FER: variants seen among roughly 807,000 people sequenced by gnomAD.
FER encodes tyrosine-protein kinase Fer.
A neutral mutation model predicts 111.0 loss-of-function variants in FER; 63 were observed. That is an observed-to-expected ratio of 0.57 (90% CI 0.46 to 0.70). The LOEUF is 0.70. FER is among the 30% of genes least tolerant of loss of function. FER has a pLI of 0.00. For missense variants in FER, 914 were observed against 954.0 expected (o/e 0.96, Z 0.55); for synonymous variants, 327 against 313.9 (o/e 1.04, Z -0.44).
intron 17 of FER, among the ~76,000 whole-genome samples, chr5:109,169,242 A>C (rs1463172560): frequency 6.6e-6 from 1 of 152,182 alleles, no homozygotes; most frequent in Non-Finnish European, 1.5e-5. Context: ...TAATACCATA[A>C]AGTCTTATCA....
chr5:109,168,399 GTCTCCATCCCCCAATC>G (rs1213001857), intron 17 of FER, among the ~76,000 whole-genome samples: 3 of 152,192 alleles, frequency 2.0e-5, no homozygotes, highest in Admixed American at 2.0e-4. Flanking sequence ...TGGGACTTTT[GTCTCCATCCCCCAATC>G]TCTGGGGAGT....
rs547873513 is a variant in FER at position 108,992,481 on chromosome 5, C to T, written c.1656+33134C>T. 2.0e-4 allele frequency among the ~76,000 whole-genome samples: 30 copies of T among 148,914 alleles called. No homozygotes were observed. In the East Asian group the frequency reaches 3.9e-3, roughly 19 times the overall value. On this transcript the variant is annotated intron_variant, in intron 13 of 19. Transcript: ENST00000281092. ...GCAGAGGCGCCCCTCACCTCCCGGA[C>T]GGGGTGGCTGGCCGGGCGGGGGGCT...
intron 10 of FER, among the ~76,000 whole-genome samples, chr5:108,938,216 C>G (rs1290862136): frequency 6.6e-6 from 1 of 151,616 alleles, no homozygotes; most frequent in Non-Finnish European, 1.5e-5. Context: ...AGTGGTAATC[C>G]TAAGATGGGA....
intron 15 of FER, among the ~76,000 whole-genome samples, chr5:109,046,096 CTGA>C (rs1332139854): frequency 6.6e-6 from 1 of 151,424 alleles, no homozygotes; most frequent in Non-Finnish European, 1.5e-5. Context: ...TCATAGCCCT[CTGA>C]TGAAATTTTG....
chr5:109,082,043 A>T (rs1175434127), intron 16 of FER, among the ~76,000 whole-genome samples: 1 of 131,212 alleles, frequency 7.6e-6, no homozygotes, highest in African/African-American at 2.8e-5. Flanking sequence ...TAGTTTATGT[A>T]TGAAATTTGA....
intron 12 of FER, 54 bp from the exon 13 acceptor site, chr5:108,959,171 G>T: frequency 6.4e-7 from 1 of 1,560,376 alleles, no homozygotes; most frequent in Non-Finnish European, 8.7e-7. Flanking sequence ...AATGAATGTA[G>T]ATTTTCTAAA....
intron 16 of FER, among the ~76,000 whole-genome samples, chr5:109,096,760 G>A (rs1747584020): frequency 6.6e-6 from 1 of 151,786 alleles, no homozygotes; most frequent in Admixed American, 6.6e-5. Flanking sequence ...TTATTACTGA[G>A]GGTCAGGTTA....
intron 13 of FER, among the ~76,000 whole-genome samples, chr5:109,004,439 G>T (rs968764146): frequency 9.2e-5 from 14 of 151,868 alleles, no homozygotes; most frequent in African/African-American, 3.4e-4. Context: ...CCAAAACATT[G>T]AAAACAACAG....
At chr5:108,985,079 T>C (rs902509187) in intron 13 of FER, among the ~76,000 whole-genome samples, 1 of 152,052 alleles carries the variant, frequency 6.6e-6, no homozygotes, top group Non-Finnish European at 1.5e-5. Flanking sequence ...AACTAGTGCT[T>C]ATCATACAAA....
intron 16 of FER, among the ~76,000 whole-genome samples, chr5:109,079,475 T>C (rs1776739309): frequency 6.6e-6 from 1 of 152,194 alleles, no homozygotes; most frequent in Non-Finnish European, 1.5e-5. Flanking sequence ...AGTCTGACTG[T>C]CTTATGGTGC....
chr5:108,893,906 A>G (rs1243591495), intron 9 of FER, among the ~76,000 whole-genome samples: 1 of 151,968 alleles, frequency 6.6e-6, no homozygotes, highest in Non-Finnish European at 1.5e-5. Flanking sequence ...GGGCTGTATT[A>G]GTCTGTTTTC....
chr5:109,149,836 A>T (rs1163831253), intron 17 of FER, among the ~76,000 whole-genome samples: 25 of 152,152 alleles, frequency 1.6e-4, no homozygotes, highest in Non-Finnish European at 7.4e-5. Flanking sequence ...AAAAATATTT[A>T]CTTTAAACCA....
At chr5:109,059,360 T>TAAAAGAAAAAAAA (rs1774079078) in intron 16 of FER, among the ~76,000 whole-genome samples, 1 of 136,292 alleles carries the variant, frequency 7.3e-6, no homozygotes, top group African/African-American at 2.7e-5. Context: ...CTGCCTCTAC[T>TAAAAGAAAAAAAA]AAAAAAAAAA....
intron 17 of FER, among the ~76,000 whole-genome samples, chr5:109,148,250 G>T (rs1244658764): frequency 6.6e-6 from 1 of 152,072 alleles, no homozygotes; most frequent in Non-Finnish European, 1.5e-5. Context: ...TACCTGCACT[G>T]AAACTGACAG....
rs760733478 is a variant in FER at position 109,047,170 on chromosome 5, T to C, written c.1896T>C (p.Pro632=). 1.9e-6 allele frequency: 3 copies of C among 1,606,470 alleles called. No homozygotes were observed. Among genetic ancestry groups the C allele is most frequent in the South Asian group, 1.1e-5 (1 of 90,072 alleles). The change falls in exon 16 of 20, where the codon CCT becomes CCC. Residue 632 remains proline, a synonymous_variant. Transcript: ENST00000281092. Reference sequence around the variant, plus strand: ...TAGGAGTTTGCACACAAAGACAGCCTGTCTACATCATTATGGAACTGGTTT... The same window carrying C: ...TAGGAGTTTGCACACAAAGACAGCCCGTCTACATCATTATGGAACTGGTTT... ...KLIGVCTQRQ[P]VYIIMELVSG... is the part of the protein sequence containing the mutation.
At chr5:108,761,748 C>T (rs1291331857) in intron 1 of FER, among the ~76,000 whole-genome samples, 2 of 152,066 alleles carry the variant, frequency 1.3e-5, no homozygotes, top group African/African-American at 4.8e-5. Context: ...ATATACTTGT[C>T]TGATTTATGA....
chr5:109,034,523 C>G (rs963211287), intron 13 of FER, among the ~76,000 whole-genome samples: 7 of 151,996 alleles, frequency 4.6e-5, no homozygotes, highest in African/African-American at 1.4e-4. Flanking sequence ...TCTGCTTTCA[C>G]AATGACCATG....
chr5:108,809,275 AGTTT>A (rs1486783625), intron 3 of FER, among the ~76,000 whole-genome samples: 2 of 151,930 alleles, frequency 1.3e-5, no homozygotes, highest in South Asian at 2.1e-4. Context: ...TTTCTCAGAG[AGTTT>A]GTTTATTTTA....
chr5:108,757,971 A>C (rs1162381151), intron 1 of FER, among the ~76,000 whole-genome samples: 1 of 152,180 alleles, frequency 6.6e-6, no homozygotes, highest in Non-Finnish European at 1.5e-5. Flanking sequence ...TAAGATCTAA[A>C]TGTCTTAGCT....
Sources: allele counts gnomAD v4.1 joint callset (sites outside exome capture counted in the v4.1 genomes callset), GRCh38; gene constraint gnomAD v4.1.1; transcripts MANE v1.5; gene names NCBI Gene and HGNC (gene_info 2026-07-23, HGNC 2026-07-21).